The following SKAP1 variants were observed in gnomAD, a reference collection of about 807,000 sequenced individuals.
The protein encoded by SKAP1 is src kinase-associated phosphoprotein 1.
In SKAP1, 44 loss-of-function variants were observed where a neutral mutation model predicts 58.5. The observed-to-expected ratio is 0.75, with a 90% CI of 0.59 to 0.97. SKAP1 has a LOEUF of 0.97. Ranked by LOEUF, SKAP1 falls within the 50% of genes least tolerant of loss-of-function variation. SKAP1 has a pLI of 0.00. For synonymous variants in SKAP1, 127 were observed against 149.7 expected, an observed-to-expected ratio of 0.85 and a Z score of 1.11; for missense variants, 390 against 435.2, an observed-to-expected ratio of 0.90 and a Z score of 0.92.
At chr17:48,326,952 C>T (rs1217847948) in intron 4 of SKAP1, among the ~76,000 whole-genome samples, 1 of 141,312 alleles carries the variant, frequency 7.1e-6, no homozygotes, top group South Asian at 2.2e-4. Flanking sequence ...AGTGCAGTGG[C>T]GTGACCTTGG....
Position 48,176,758 on chromosome 17 carries a change from G to A in SKAP1, c.826+3296C>T, listed in dbSNP as rs192866801. ...CTAATTATCCCATGATTAATGTGAT[G>A]GAGTGAGTTTAATGTGATGACCCAT... On this transcript the variant is annotated intron_variant, in intron 9 of 12. Transcript: ENST00000336915. 1.6e-3 allele frequency among the ~76,000 whole-genome samples: 238 copies of A among 152,294 alleles called. 2 individuals carry two copies. The highest frequency in any genetic ancestry group is 5.5e-3 in the African/African-American group (229 of 41,562).
At chr17:48,370,565 C>T (rs1054814611) in intron 2 of SKAP1, among the ~76,000 whole-genome samples, 2 of 151,828 alleles carry the variant, frequency 1.3e-5, no homozygotes, top group Non-Finnish European at 2.9e-5. Flanking sequence ...CCAAAGTGCT[C>T]GGATTACAAG....
intron 11 of SKAP1, among the ~76,000 whole-genome samples, chr17:48,154,931 G>A (rs1489313279): frequency 6.6e-6 from 1 of 151,418 alleles, no homozygotes; most frequent in African/African-American, 2.4e-5. Flanking sequence ...GTGGTGGCTT[G>A]AGCCTGTAAT....
At chr17:48,393,873 A>C (rs2067380948) in intron 2 of SKAP1, among the ~76,000 whole-genome samples, 2 of 135,536 alleles carry the variant, frequency 1.5e-5, no homozygotes, top group Non-Finnish European at 3.1e-5. Context: ...GAAGTGCTAA[A>C]TTATAGTTTT....
intron 1 of SKAP1, among the ~76,000 whole-genome samples, chr17:48,416,380 A>G (rs1324519622): frequency 6.6e-6 from 1 of 152,130 alleles, no homozygotes; most frequent in East Asian, 1.9e-4. Flanking sequence ...GGGTTTGTGG[A>G]GGAGAAGAGG....
intron 4 of SKAP1, among the ~76,000 whole-genome samples, chr17:48,339,209 G>A (rs2066615174): frequency 6.6e-6 from 1 of 152,168 alleles, no homozygotes; most frequent in Non-Finnish European, 1.5e-5. Context: ...GGAGTCATGT[G>A]CCTTTATTAA....
chr17:48,418,371 TA>T (rs1273099716), intron 1 of SKAP1, among the ~76,000 whole-genome samples: 2 of 152,056 alleles, frequency 1.3e-5, no homozygotes, highest in Non-Finnish European at 2.9e-5. Flanking sequence ...ACAATAAAAA[TA>T]TATCTATCAA....
In SKAP1 at chr17:48,180,184, A is replaced by G; in HGVS notation, c.696T>C (p.Tyr232=). ...DEEEEEKEET[Y]DDIDGFDSPS... ...GGGAGTCAAAACCATCAATATCATC[A>G]TATGTCTCTTCTTTTTCTTCTTCCT... Residue 232 remains tyrosine (Y), a synonymous_variant, in exon 9 of 13, where the codon TAT becomes TAC. Coordinates refer to ENST00000336915, the MANE Select transcript of SKAP1 (RefSeq NM_003726.4). The G allele has an allele frequency of 6.2e-7, 1 of 1,613,666 alleles. No individual in the cohort carries two copies. The highest frequency in any genetic ancestry group is 8.5e-7 in the Non-Finnish European group (1 of 1,179,780).
chr17:48,421,090 G>A (rs1231335297), intron 1 of SKAP1, among the ~76,000 whole-genome samples: 1 of 152,150 alleles, frequency 6.6e-6, no homozygotes, highest in Non-Finnish European at 1.5e-5. Flanking sequence ...GAGGAGAGCT[G>A]TGAACTTCCA....
chr17:48,140,425 G>A (rs2063754536), intron 11 of SKAP1, among the ~76,000 whole-genome samples: 1 of 152,014 alleles, frequency 6.6e-6, no homozygotes, highest in African/African-American at 2.4e-5. Flanking sequence ...TTGTTTTCCA[G>A]GGTTCTGTCC....
chr17:48,377,491 C>T (rs1320054634), intron 2 of SKAP1: 4 of 150,752 alleles, frequency 2.7e-5, no homozygotes, highest in Non-Finnish European at 5.9e-5. Context: ...GGTGGGAGGA[C>T]TGCTTTAGCC....
chr17:48,200,310 T>C (rs1485955420), intron 4 of SKAP1, among the ~76,000 whole-genome samples: 1 of 151,784 alleles, frequency 6.6e-6, no homozygotes, highest in Non-Finnish European at 1.5e-5. Context: ...AAAAAAGAAT[T>C]AAATTGAGGA....
In SKAP1 at chr17:48,138,235, C is replaced by T. The variant is rs1194452171; in HGVS notation, c.979-898G>A. On this transcript the variant is annotated intron_variant, in intron 11 of 12. Coordinates refer to ENST00000336915, the MANE Select transcript of SKAP1 (RefSeq NM_003726.4). ...TTTTTTTTTTTTTGAGACGGAGTCT[C>T]GCACTGTCGCCCAGGCTGGAGTGCA... is the stretch of plus-strand genomic sequence containing the variant. Among the ~76,000 whole-genome samples the T allele has an allele frequency of 4.6e-5, 7 of 151,230 alleles. No individual in the cohort carries two copies. The East Asian group carries it at 5.8e-4, about 13-fold the overall frequency.
intron 1 of SKAP1, among the ~76,000 whole-genome samples, chr17:48,422,627 CAG>C (rs1342730029): frequency 6.6e-6 from 1 of 152,028 alleles, no homozygotes; most frequent in Admixed American, 6.5e-5. Context: ...AAATTGCACA[CAG>C]AGAAAATATA....
At chr17:48,147,931 G>A (rs941593039) in intron 11 of SKAP1, among the ~76,000 whole-genome samples, 1 of 149,776 alleles carries the variant, frequency 6.7e-6, no homozygotes, top group Non-Finnish European at 1.5e-5. Flanking sequence ...AGTGTGAGAA[G>A]GGGGACATGG....
intron 2 of SKAP1, among the ~76,000 whole-genome samples, chr17:48,378,263 A>C (rs2067175352): frequency 6.6e-6 from 1 of 152,188 alleles, no homozygotes; most frequent in African/African-American, 2.4e-5. Context: ...GAGCATGAAG[A>C]GCAAAGTCTT....
chr17:48,194,900 A>AT (rs1567815298), intron 4 of SKAP1, among the ~76,000 whole-genome samples: 1 of 152,072 alleles, frequency 6.6e-6, no homozygotes, highest in Non-Finnish European at 1.5e-5. Context: ...CATGTAAAAA[A>AT]CCTGGGGATT....
intron 1 of SKAP1, among the ~76,000 whole-genome samples, chr17:48,410,867 C>T (rs940124374): frequency 7.5e-6 from 1 of 134,026 alleles, no homozygotes; most frequent in African/African-American, 2.8e-5. Flanking sequence ...GTGGAGGTTG[C>T]AGTGAGCCAA....
At chr17:48,220,287 C>A (rs1443434823) in intron 4 of SKAP1, among the ~76,000 whole-genome samples, 3 of 151,840 alleles carry the variant, frequency 2.0e-5, no homozygotes, top group Non-Finnish European at 4.4e-5. Flanking sequence ...ATTTCCAAAG[C>A]AGAAAAAAAC....
Sources: allele counts gnomAD v4.1 joint callset (sites outside exome capture counted in the v4.1 genomes callset), GRCh38; gene constraint gnomAD v4.1.1; transcripts MANE v1.5; gene names NCBI Gene and HGNC (gene_info 2026-07-23, HGNC 2026-07-21).